IKBKE: variants seen among roughly 807,000 people sequenced by gnomAD.
IKBKE encodes inhibitor of nuclear factor kappa-B kinase subunit epsilon.
In IKBKE, 45 loss-of-function variants were observed where a neutral mutation model predicts 92.1. That is an observed-to-expected ratio of 0.49 (90% CI 0.38 to 0.63). IKBKE has a LOEUF of 0.63. IKBKE is among the 20% of genes least tolerant of loss of function. IKBKE has a pLI of 0.00. For missense variants in IKBKE, 700 were observed against 932.8 expected, an observed-to-expected ratio of 0.75 and a Z score of 3.25; for synonymous variants, 374 against 380.3, an observed-to-expected ratio of 0.98 and a Z score of 0.19.
chr1:206,491,699 G>C lies in IKBKE; in HGVS notation c.1785G>C (p.Glu595Asp), dbSNP rs782299523. 1.2e-6 allele frequency: 2 copies of C among 1,613,754 alleles called. No individual in the cohort carries two copies. The highest frequency in any genetic ancestry group is 1.7e-6 in the Non-Finnish European group (2 of 1,179,770). ...GACTCCTGCAGGTGTTCCAGGAGGA[G>C]TGCGTGCAGAAGTATCAAGCGTCCT... ...AKRLLQVFQEECVQKYQASLV... is the reference protein window; with the variant it reads ...AKRLLQVFQEDCVQKYQASLV... Residue 595 changes from glutamate to aspartate, a missense_variant, in exon 18 of 22, where the codon GAG (glutamate) becomes GAC (aspartate). Glu to Asp is a conservative substitution (Grantham distance 45, BLOSUM62 2). Transcript: ENST00000581977.
chr1:206,476,544 AC>A lies in IKBKE; in HGVS notation c.541-131del. On this transcript the variant is annotated intron_variant, in intron 6 of 21. Transcript: ENST00000581977. The surrounding 1 kb of genome is among the most constrained non-coding windows in gnomAD (Gnocchi z 5.1). ...CTAAGATGGAAAAGGTGAGGCTGACACCCATTTTTAAGATGACAAAGAAGGA... is the reference window on the plus strand; with the variant it reads ...CTAAGATGGAAAAGGTGAGGCTGACACCATTTTTAAGATGACAAAGAAGGA... 2.5e-6 allele frequency: 3 copies of A among 1,182,334 alleles called. No individual in the cohort carries two copies. The highest frequency in any genetic ancestry group is 3.6e-6 in the Non-Finnish European group (3 of 831,882). The allele number at this position is 1,182,334 out of a possible 1,614,324, so 73.2% of individuals were successfully genotyped here. A position where few individuals can be genotyped will look rare whatever the true frequency, so the allele number is the denominator to read the frequency against.
chr1:206,495,052 C>A (rs1311827398), intron 21 of IKBKE, among the ~76,000 whole-genome samples: 2 of 149,876 alleles, frequency 1.3e-5, no homozygotes, highest in Non-Finnish European at 3.0e-5. Flanking sequence ...ATTTTACCAC[C>A]AAAGAGAGAT....
intron 16 of IKBKE, among the ~76,000 whole-genome samples, chr1:206,489,400 T>TATAC (rs879950187): frequency 5.4e-5 from 6 of 110,600 alleles, no homozygotes; most frequent in African/African-American, 2.0e-4. Flanking sequence ...TATATATATA[T>TATAC]ACACACACAC....
intron 17 of IKBKE, chr1:206,491,177 T>C: frequency 2.2e-6 from 1 of 448,658 alleles, no homozygotes; most frequent in Non-Finnish European, 4.1e-6. Context: ...TGCCTGAACC[T>C]TCCCTGCCTC....
chr1:206,488,099 C>A, intron 16 of IKBKE, 109 bp downstream of exon 16: 1 of 770,544 alleles, frequency 1.3e-6, no homozygotes, highest in African/African-American at 1.7e-5. Context: ...AGCTAAGTGG[C>A]CGCTAACCTC....
At chr1:206,492,503 G>A (rs1223754565) in intron 18 of IKBKE, 1 of 471,358 alleles carries the variant, frequency 2.1e-6, no homozygotes, top group East Asian at 6.9e-5. Context: ...TCTGGAGCAG[G>A]GCTTGGATGT....
intron 2 of IKBKE, among the ~76,000 whole-genome samples, chr1:206,472,315 G>C (rs1553384011): frequency 6.6e-6 from 1 of 152,110 alleles, no homozygotes; most frequent in African/African-American, 2.4e-5. Flanking sequence ...TAATGCTTCT[G>C]TCCCCAGGTA....
At chr1:206,491,438 T>G in intron 17 of IKBKE, 1 of 486,622 alleles carries the variant, frequency 2.1e-6, no homozygotes, top group Non-Finnish European at 3.8e-6. Flanking sequence ...CGTCTCCCTG[T>G]TGATGTGGGC....
In IKBKE at chr1:206,490,534, C is replaced by T. The variant is rs1665892541; in HGVS notation, c.1694-285C>T. On this transcript the variant is annotated intron_variant, in intron 16 of 21. Coordinates refer to ENST00000581977, the MANE Select transcript of IKBKE (RefSeq NM_014002.4). This position sits in a 1 kb window ranked among gnomAD's most constrained non-coding sequence, Gnocchi z 5.2. ...GCCCACTTCATCCACCAACTCCCACCTGAAGCATCCCCCACGTCCCCACCC... is the reference window on the plus strand; with the variant it reads ...GCCCACTTCATCCACCAACTCCCACTTGAAGCATCCCCCACGTCCCCACCC... Among the ~76,000 whole-genome samples the T allele has an allele frequency of 5.9e-5, 9 of 152,204 alleles. No homozygotes were observed. The highest frequency in any genetic ancestry group is 5.9e-4 in the Admixed American group (9 of 15,284).
Position 206,496,428 on chromosome 1 carries a change from G to T in IKBKE, c.*283G>T, listed in dbSNP as rs1666241158. 8.6e-6 allele frequency: 4 copies of T among 467,664 alleles called. No individual in the cohort carries two copies. The highest frequency in any genetic ancestry group is 3.7e-5 in the Admixed American group (1 of 27,062). The allele number at this position is 467,664 out of a possible 1,614,324, so 29.0% of individuals were successfully genotyped here. A position where few individuals can be genotyped will look rare whatever the true frequency, so the allele number is the denominator to read the frequency against. ...TCTATCTTCTCTAGGCTCAGGTACT[G>T]CTCCTCCATGCCCATGGCTGGGCCG... On this transcript the variant is annotated 3_prime_UTR_variant, in exon 22 of 22. Transcript: ENST00000581977.
chr1:206,492,619 A>C (rs2103484283), intron 18 of IKBKE: 1 of 475,750 alleles, frequency 2.1e-6, no homozygotes, highest in Non-Finnish European at 4.3e-6. Flanking sequence ...CTGTTCCTTC[A>C]CTCCACTTAG....
chr1:206,481,520 C>G (rs1558478371), intron 13 of IKBKE, among the ~76,000 whole-genome samples: 1 of 152,194 alleles, frequency 6.6e-6, no homozygotes, highest in Non-Finnish European at 1.5e-5. Context: ...CTGAGCCCCT[C>G]TCAAATGGTG....
At chr1:206,489,636 GA>G in intron 16 of IKBKE, among the ~76,000 whole-genome samples, 1 of 152,078 alleles carries the variant, frequency 6.6e-6, no homozygotes, top group Non-Finnish European at 1.5e-5. Context: ...TGGGAGCTGG[GA>G]GTTCGAGACT....
chr1:206,489,373 A>C (rs1236146452), intron 16 of IKBKE, among the ~76,000 whole-genome samples: 10,095 of 66,586 alleles, frequency 0.15, 954 homozygotes, highest in East Asian at 0.53. Flanking sequence ...GTGTGTGTAT[A>C]TATATATATA....
rs1553385807 is a variant in IKBKE, at chr1:206,477,786, G to A, written c.739G>A (p.Ala247Thr). ...ITTEKPAGAI[A>T]GAQRRENGPL... ...CACGGAGAAGCCGGCTGGGGCCATT[G>A]CAGGTGCCCAGAGGCGGGAGAACGG... The change falls in exon 8 of 22, where the codon GCA (alanine) becomes ACA (threonine). Residue 247 changes from alanine to threonine, a missense_variant. Physicochemically the swap from Ala to Thr is moderately conservative, Grantham distance 58 (BLOSUM62 0). Transcript: ENST00000581977. 6.4e-7 allele frequency: 1 copy of A among 1,570,768 alleles called. No individual in the cohort carries two copies. Among genetic ancestry groups the A allele is most frequent in the Admixed American group, 1.9e-5 (1 of 53,878 alleles).
At position 206,476,365 on chromosome 1, in the gene IKBKE, G is replaced by A. The variant is rs1665064105; in HGVS notation, c.540+3G>A. ...TCTATGGGACTGAGGAGTACCTGGT[G>A]GGTGAGCTGCTCGAGACCCGCTGCC... On this transcript the variant is annotated splice_donor_region_variant and intron_variant, in intron 6 of 21. Transcript: ENST00000581977. This position sits in a 1 kb window ranked among gnomAD's most constrained non-coding sequence, Gnocchi z 5.1. 1 of 1,603,170 alleles carries A rather than the reference G, an allele frequency of 6.2e-7. No homozygotes were observed. Among genetic ancestry groups the A allele is most frequent in the Non-Finnish European group, 8.5e-7 (1 of 1,172,666 alleles).
chr1:206,491,821 C>T (rs1370882626), intron 18 of IKBKE, 72 bp downstream of exon 18: 2 of 1,082,786 alleles, frequency 1.8e-6, no homozygotes, highest in East Asian at 2.4e-5. Context: ...GGACCCAGGG[C>T]TTTGTGGAGC....
Position 206,476,980 on chromosome 1 carries a change from T to G in IKBKE, c.701+142T>G, listed in dbSNP as rs782655963. The G allele has an allele frequency of 3.2e-5, 27 of 853,440 alleles. No homozygotes were observed. The highest frequency in any genetic ancestry group is 4.6e-5 in the Non-Finnish European group (26 of 559,704). The allele number at this position is 853,440 out of a possible 1,614,324, so 52.9% of individuals were successfully genotyped here. On this transcript the variant is annotated intron_variant, in intron 7 of 21. Transcript: ENST00000581977. This position sits in a 1 kb window ranked among gnomAD's most constrained non-coding sequence, Gnocchi z 5.1. ...CCCCCCAACCCAGGCTCTTTGTAGA[T>G]CTTTTTTTGTTAATGGGATCAAACA...
At chr1:206,492,344 G>A in intron 18 of IKBKE, 1 of 423,566 alleles carries the variant, frequency 2.4e-6, no homozygotes, top group South Asian at 1.8e-5. Context: ...TGAGAAGAGA[G>A]GACAATTTCC....
Sources: gnomAD v4.1 joint callset for allele counts (sites outside exome capture counted in the v4.1 genomes callset) on GRCh38, gnomAD v4.1.1 for gene constraint, Gnocchi (gnomAD v3.1) non-coding constraint, MANE v1.5 for transcripts, NCBI Gene and HGNC (gene_info 2026-07-23, HGNC 2026-07-21) for gene names.